RHBDD1: variants seen among roughly 807,000 people sequenced by gnomAD.
RHBDD1 encodes rhomboid-related protein 4.
A neutral mutation model predicts 36.3 loss-of-function variants in RHBDD1; 38 were observed. That is an observed-to-expected ratio of 1.05 (90% CI 0.81 to 1.37). The LOEUF (loss-of-function observed/expected upper bound fraction) is 1.37. RHBDD1 is among the 40% of genes most tolerant of loss of function. The pLI is 0.00. For missense variants in RHBDD1, 393 were observed against 377.6 expected, an observed-to-expected ratio of 1.04 and a Z score of -0.34; for synonymous variants, 151 against 136.5, an observed-to-expected ratio of 1.11 and a Z score of -0.74.
intron 8 of RHBDD1, among the ~76,000 whole-genome samples, chr2:226,975,611 T>C (rs1477206729): frequency 2.0e-5 from 3 of 152,184 alleles, no homozygotes; most frequent in Non-Finnish European, 4.4e-5. Context: ...TCTGCTTGGA[T>C]TTAAAGATGG....
chr2:226,910,922 G>C (rs1213391035), intron 7 of RHBDD1, among the ~76,000 whole-genome samples: 1 of 151,982 alleles, frequency 6.6e-6, no homozygotes, highest in Non-Finnish European at 1.5e-5. Flanking sequence ...AGCCACACTG[G>C]TCTTTCTGAT....
chr2:226,969,989 T>TCCCCC (rs34121580), intron 8 of RHBDD1, among the ~76,000 whole-genome samples: 1 of 111,916 alleles, frequency 8.9e-6, no homozygotes, highest in Non-Finnish European at 1.8e-5. Context: ...TTTACAACTG[T>TCCCCC]CCCCCCCCCC....
intron 8 of RHBDD1, among the ~76,000 whole-genome samples, chr2:226,947,783 G>C (rs1031271344): frequency 4.6e-5 from 7 of 152,084 alleles, no homozygotes; most frequent in African/African-American, 1.7e-4. Flanking sequence ...TCTCAAAAGA[G>C]GACATTTATG....
chr2:226,986,023 A>G (rs1430450825), intron 8 of RHBDD1, among the ~76,000 whole-genome samples: 1 of 152,266 alleles, frequency 6.6e-6, no homozygotes, highest in Non-Finnish European at 1.5e-5. Context: ...AGTCATGTTG[A>G]CAGCACGTTG....
At chr2:226,946,337 C>A (rs1950992548) in intron 8 of RHBDD1, among the ~76,000 whole-genome samples, 1 of 151,862 alleles carries the variant, frequency 6.6e-6, no homozygotes, top group South Asian at 2.1e-4. Context: ...TCAAGTTTGT[C>A]AAAGATCAGA....
chr2:226,800,816 G>C, the RHBDD1 span, among the ~76,000 whole-genome samples: 1 of 152,218 alleles, frequency 6.6e-6, no homozygotes, highest in African/African-American at 2.4e-5. Context: ...AAGGATAACA[G>C]GGAGAAAACA....
intron 7 of RHBDD1, 146 bp from the exon 8 acceptor site, chr2:226,914,062 C>A: frequency 1.5e-6 from 1 of 682,780 alleles, no homozygotes; most frequent in Non-Finnish European, 2.4e-6. Flanking sequence ...AGACAATCAC[C>A]ATTTGGCATC....
At chr2:226,925,107 T>C (rs1197284217) in intron 8 of RHBDD1, among the ~76,000 whole-genome samples, 1 of 152,208 alleles carries the variant, frequency 6.6e-6, no homozygotes, top group African/African-American at 2.4e-5. Flanking sequence ...ACATTTAATG[T>C]TGGTAGTGAT....
Position 226,864,630 on chromosome 2 carries a change from A to T in RHBDD1, c.-64A>T. On this transcript the variant is annotated 5_prime_UTR_variant, in exon 4 of 9. Coordinates refer to ENST00000392062, the MANE Select transcript of RHBDD1 (RefSeq NM_001167608.3). ...TTCAGCCGTCTGTATATCTCCCCAG[A>T]TACCTGAAACTGACCACCTGAGTAC... The T allele has an allele frequency of 7.5e-7, 1 of 1,341,676 alleles. No homozygotes were observed. The highest frequency in any genetic ancestry group is 1.0e-6 in the Non-Finnish European group (1 of 955,180). The allele number at this position is 1,341,676 out of a possible 1,614,324, so 83.1% of individuals were successfully genotyped here. A position where few individuals can be genotyped will look rare whatever the true frequency, so the allele number is the denominator to read the frequency against.
chr2:226,880,465 A>G (rs1945626005), intron 5 of RHBDD1, among the ~76,000 whole-genome samples: 1 of 152,244 alleles, frequency 6.6e-6, no homozygotes, highest in Non-Finnish European at 1.5e-5. Context: ...ACCCAAAACA[A>G]TGATTCCCTT....
At chr2:226,948,556 T>A (rs10188166) in intron 8 of RHBDD1, among the ~76,000 whole-genome samples, 1 of 111,894 alleles carries the variant, frequency 8.9e-6, no homozygotes, top group Non-Finnish European at 1.9e-5. Flanking sequence ...ACCCTAAAAC[T>A]TAAAGTATAA....
intron 3 of RHBDD1, among the ~76,000 whole-genome samples, chr2:226,843,385 A>G (rs919383834): frequency 5.3e-5 from 8 of 152,178 alleles, no homozygotes; most frequent in African/African-American, 1.9e-4. Flanking sequence ...TTGCCCATTC[A>G]ATATGATATT....
chr2:226,828,728 TC>T, the RHBDD1 span, among the ~76,000 whole-genome samples: 1 of 152,134 alleles, frequency 6.6e-6, no homozygotes, highest in African/African-American at 2.4e-5. Flanking sequence ...TATATTCAAA[TC>T]TTTTGCCCAC....
Position 226,914,257 on chromosome 2 carries a change from T to C in RHBDD1, c.762T>C (p.Tyr254=), listed in dbSNP as rs957300093. The C allele has an allele frequency of 5.0e-6, 8 of 1,613,878 alleles. No homozygotes were observed. Among genetic ancestry groups the C allele is most frequent in the Non-Finnish European group, 6.8e-6 (8 of 1,179,818 alleles). ...ATCCGCATGGCAGGCCAGATCACTATGAAGAAGCACCCAGGAACTATGACA... is the reference window on the plus strand; with the variant it reads ...ATCCGCATGGCAGGCCAGATCACTACGAAGAAGCACCCAGGAACTATGACA... ...DYYPHGRPDH[Y]EEAPRNYDTY... is the part of the protein sequence containing the mutation. Residue 254 remains tyrosine (Y), a synonymous_variant, in exon 8 of 9, where the codon TAT becomes TAC. Coordinates refer to ENST00000392062, the MANE Select transcript of RHBDD1 (RefSeq NM_001167608.3).
chr2:226,862,515 G>A (rs1943948567), intron 3 of RHBDD1, among the ~76,000 whole-genome samples: 1 of 151,934 alleles, frequency 6.6e-6, no homozygotes, highest in Non-Finnish European at 1.5e-5. Flanking sequence ...TCAACATTTT[G>A]CCCCTAATAG....
chr2:226,873,425 G>A (rs1218388174), intron 5 of RHBDD1, among the ~76,000 whole-genome samples: 1 of 152,174 alleles, frequency 6.6e-6, no homozygotes, highest in South Asian at 2.1e-4. Context: ...TTGTGGTTAA[G>A]ATATCTCACT....
At chr2:226,824,399 T>C in the RHBDD1 span, among the ~76,000 whole-genome samples, 1 of 152,224 alleles carries the variant, frequency 6.6e-6, no homozygotes, top group African/African-American at 2.4e-5. Context: ...AAAAAAATCT[T>C]TTCCACTTAT....
chr2:226,806,936 A>G, the RHBDD1 span, among the ~76,000 whole-genome samples: 5 of 152,342 alleles, frequency 3.3e-5, no homozygotes, highest in East Asian at 3.9e-4. Context: ...GAAATTCACA[A>G]TGCTTCCAAT....
chr2:226,810,645 C>T, the RHBDD1 span, among the ~76,000 whole-genome samples: 4 of 149,346 alleles, frequency 2.7e-5, no homozygotes, highest in Non-Finnish European at 5.9e-5. Flanking sequence ...TAAAGATCTT[C>T]ATCCTCATCA....
Sources: gnomAD v4.1 joint callset for allele counts (sites outside exome capture counted in the v4.1 genomes callset) on GRCh38, gnomAD v4.1.1 for gene constraint, MANE v1.5 for transcripts, NCBI Gene and HGNC (gene_info 2026-07-23, HGNC 2026-07-21) for gene names.